The following ST3GAL3 variants were observed in gnomAD, a reference collection of about 807,000 sequenced individuals.
ST3GAL3 encodes the protein CMP-N-acetylneuraminate-beta-1,4-galactoside alpha-2,3-sialyltransferase.
In ST3GAL3, 21 loss-of-function variants were observed where a neutral mutation model predicts 50.1. That is an observed-to-expected ratio of 0.42 (90% CI 0.30 to 0.60). The LOEUF (loss-of-function observed/expected upper bound fraction) is 0.60, where lower values mean the gene tolerates loss of function less well. Ranked by LOEUF, ST3GAL3 falls within the 20% of genes least tolerant of loss-of-function variation. The probability of loss-of-function intolerance (pLI) is 0.19; values close to 1 mark genes in which losing one functional copy is unlikely to be tolerated. For synonymous variants in ST3GAL3, 183 were observed against 190.0 expected (o/e 0.96, Z 0.30); for missense variants, 353 against 489.4 (o/e 0.72, Z 2.63).
intron 5 of ST3GAL3, 187 bp downstream of exon 5, chr1:43,838,498 C>A: frequency 1.6e-6 from 1 of 616,478 alleles, no homozygotes; most frequent in Non-Finnish European, 3.0e-6. Context: ...GCCTTACTCC[C>A]ATCCTGCCTC....
At chr1:43,889,110 C>T (rs1425385761) in intron 5 of ST3GAL3, among the ~76,000 whole-genome samples, 2 of 151,632 alleles carry the variant, frequency 1.3e-5, no homozygotes, top group Admixed American at 1.3e-4. Context: ...ATGGAGTGCT[C>T]ACCAGGATAT....
chr1:43,866,999 G>A (rs569852826), intron 5 of ST3GAL3, among the ~76,000 whole-genome samples: 3 of 152,262 alleles, frequency 2.0e-5, no homozygotes, highest in East Asian at 3.9e-4. Flanking sequence ...GCATAGTGGC[G>A]CGTGTCTGTA....
intron 11 of ST3GAL3, among the ~76,000 whole-genome samples, chr1:43,929,300 T>A (rs2084609215): frequency 8.5e-6 from 1 of 117,446 alleles, no homozygotes; most frequent in Admixed American, 9.8e-5. Flanking sequence ...AAAAATTAGT[T>A]TTAATTATTA....
chr1:43,804,066 G>A (rs112899576), intron 3 of ST3GAL3, among the ~76,000 whole-genome samples: 41 of 152,264 alleles, frequency 2.7e-4, no homozygotes, highest in African/African-American at 9.9e-4. Flanking sequence ...GGCTGGCCTG[G>A]GATTCCTAGA....
intron 2 of ST3GAL3, among the ~76,000 whole-genome samples, chr1:43,739,963 A>C (rs1234603105): frequency 6.6e-6 from 1 of 152,222 alleles, no homozygotes; most frequent in African/African-American, 2.4e-5. Context: ...ATATGTACGC[A>C]TACATATATT....
chr1:43,836,792 C>G (rs753805088), intron 4 of ST3GAL3, among the ~76,000 whole-genome samples: 6 of 152,250 alleles, frequency 3.9e-5, no homozygotes, highest in Non-Finnish European at 8.8e-5. Context: ...TGGCTGTGAT[C>G]TTCTCTAGAC....
chr1:43,894,596 C>G (rs946310797), intron 6 of ST3GAL3, 119 bp downstream of exon 6: 3 of 895,912 alleles, frequency 3.3e-6, no homozygotes, highest in Admixed American at 1.8e-5. Flanking sequence ...CCTCTACTCT[C>G]AACAAATCTT....
At chr1:43,722,645 A>G (rs747316437) in intron 1 of ST3GAL3, among the ~76,000 whole-genome samples, 58 of 152,298 alleles carry the variant, frequency 3.8e-4, no homozygotes, top group Non-Finnish European at 7.2e-4. Context: ...GGCTTCAGGA[A>G]GTATTTAGGG....
At chr1:43,734,297 C>CTT (rs751937263) in intron 1 of ST3GAL3, among the ~76,000 whole-genome samples, 2,553 of 113,928 alleles carry the variant, frequency 0.022, 267 homozygotes, top group Non-Finnish European at 0.029. Context: ...TCTTCTTCTT[C>CTT]TTTTTTTTTT....
At chr1:43,920,663 A>T in intron 10 of ST3GAL3, 113 bp downstream of exon 10, 1 of 1,605,474 alleles carries the variant, frequency 6.2e-7, no homozygotes, top group South Asian at 1.1e-5. Flanking sequence ...TTTCTGGGGA[A>T]GAGGGCTCAG....
At chr1:43,759,127 GA>G (rs142107353) in intron 2 of ST3GAL3, among the ~76,000 whole-genome samples, 1 of 146,110 alleles carries the variant, frequency 6.8e-6, no homozygotes, top group Non-Finnish European at 1.5e-5. Flanking sequence ...ATATAGTGAT[GA>G]AAAAAAGGCA....
At chr1:43,901,538 G>A (rs1309815769) in intron 9 of ST3GAL3, among the ~76,000 whole-genome samples, 1 of 152,224 alleles carries the variant, frequency 6.6e-6, no homozygotes, top group Non-Finnish European at 1.5e-5. Flanking sequence ...AGGAAAGAAA[G>A]AAGAAAAGGA....
At chr1:43,802,594 T>C (rs372268279) in intron 3 of ST3GAL3, among the ~76,000 whole-genome samples, 3 of 152,232 alleles carry the variant, frequency 2.0e-5, no homozygotes, top group East Asian at 3.8e-4. Flanking sequence ...CCTGGAGCTG[T>C]GCTCCCCTGG....
chr1:43,853,852 A>G (rs1488810161), intron 5 of ST3GAL3, among the ~76,000 whole-genome samples: 1 of 152,172 alleles, frequency 6.6e-6, no homozygotes, highest in Non-Finnish European at 1.5e-5. Context: ...AAGTCTAGAG[A>G]GTTAACACAC....
intron 5 of ST3GAL3, among the ~76,000 whole-genome samples, chr1:43,875,127 T>C (rs1423842741): frequency 6.6e-6 from 1 of 152,084 alleles, no homozygotes. Context: ...TAATGATTGA[T>C]TTGGAATTTA....
At chr1:43,811,329 GT>G in intron 3 of ST3GAL3, among the ~76,000 whole-genome samples, 1 of 152,330 alleles carries the variant, frequency 6.6e-6, no homozygotes, top group Non-Finnish European at 1.5e-5. Context: ...AGAATGAGCA[GT>G]AGAGACCTAG....
rs774835888 is a variant in ST3GAL3 at position 43,898,310 on chromosome 1, A to G, written c.461+12A>G. The G allele has an allele frequency of 3.1e-6, 5 of 1,612,942 alleles. No individual in the cohort carries two copies. In the South Asian group the frequency reaches 5.5e-5, roughly 18 times the overall value. ...CCTGCCTTGGACAGGTGAGCCACAC[A>G]CTGTGCAGCCTCCTACCCACCGCTG... On this transcript the variant is annotated intron_variant, in intron 7 of 11. Transcript: ENST00000347631.
At chr1:43,882,987 G>T (rs2075403353) in intron 5 of ST3GAL3, among the ~76,000 whole-genome samples, 1 of 75,584 alleles carries the variant, frequency 1.3e-5, no homozygotes. Context: ...TTAGAGACAG[G>T]CTCTCACTCT....
At chr1:43,810,282 T>C (rs2060405348) in intron 3 of ST3GAL3, among the ~76,000 whole-genome samples, 1 of 152,072 alleles carries the variant, frequency 6.6e-6, no homozygotes, top group South Asian at 2.1e-4. Context: ...CACCCCCCTC[T>C]CATTCCCACA....
Sources: allele counts gnomAD v4.1 joint callset (sites outside exome capture counted in the v4.1 genomes callset), GRCh38; gene constraint gnomAD v4.1.1; transcripts MANE v1.5; gene names NCBI Gene and HGNC (gene_info 2026-07-23, HGNC 2026-07-21).